Variants in SYCE1 observed in about 807,000 individuals in gnomAD.
SYCE1 encodes cancer/testis antigen 76.
Under a neutral mutation model 55.1 loss-of-function variants are expected in SYCE1, and 37 were observed. The observed-to-expected ratio is 0.67, with a 90% CI of 0.52 to 0.88. The LOEUF (loss-of-function observed/expected upper bound fraction) is 0.88. SYCE1 is among the 40% of genes least tolerant of loss of function. SYCE1 has a pLI of 0.00. For synonymous variants in SYCE1, 163 were observed against 159.4 expected (o/e 1.02, Z -0.17); for missense variants, 399 against 416.4 (o/e 0.96, Z 0.36).
rs9629932 is a variant in SYCE1 at position 133,556,604 on chromosome 10, G to A, written c.528+155C>T. On this transcript the variant is annotated intron_variant, in intron 8 of 12. Coordinates refer to ENST00000343131, the MANE Select transcript of SYCE1 (RefSeq NM_001143764.3). ...CCACTGAGCAGCAGGGTCACAAGGA[G>A]GTGACAAGGGACTGGATTCAGGCAA... 3,183 of 743,768 alleles carry A rather than the reference G, an allele frequency of 4.3e-3. No homozygotes were observed. In the African/African-American group the frequency reaches 0.048, roughly 11 times the overall value. The allele number at this position is 743,768 out of a possible 1,614,324, so 46.1% of individuals were successfully genotyped here.
rs1851900814 is a variant in SYCE1, at chr10:133,565,313, C to T, written c.73+144G>A. 3.6e-5 allele frequency: 26 copies of T among 717,724 alleles called. No homozygotes were observed. In the East Asian group the frequency reaches 7.6e-4, roughly 21 times the overall value. The allele number at this position is 717,724 out of a possible 1,614,324, so 44.5% of individuals were successfully genotyped here. A position where few individuals can be genotyped will look rare whatever the true frequency, so the allele number is the denominator to read the frequency against. On this transcript the variant is annotated intron_variant, in intron 1 of 12. Transcript: ENST00000343131. ...CGGGCAAGCACTCCCTCATCTTGGC[C>T]GAAATTTTTCTGAAGAAACCCGCTA... is the stretch of plus-strand genomic sequence containing the variant.
At chr10:133,566,944 C>G (rs1007473410), upstream of SYCE1, among the ~76,000 whole-genome samples, 1 of 146,160 alleles carries the variant, frequency 6.8e-6, no homozygotes, top group African/African-American at 2.5e-5. Context: ...CTTCAGGGTT[C>G]GGTGTCAGGG....
chr10:133,566,673 G>T (rs1159410909), upstream of SYCE1, among the ~76,000 whole-genome samples: 2 of 151,224 alleles, frequency 1.3e-5, no homozygotes, highest in African/African-American at 2.4e-5. Context: ...TAGGGTTTGG[G>T]ATTTGGCTAA....
chr10:133,566,538 G>C (rs1851938352), upstream of SYCE1, among the ~76,000 whole-genome samples: 1 of 144,982 alleles, frequency 6.9e-6, no homozygotes, highest in African/African-American at 2.6e-5. Context: ...TTGGGGTAGG[G>C]TTAGGGTTGG....
Position 133,557,081 on chromosome 10 carries a change from T to C in SYCE1, c.450A>G (p.Lys150=). The C allele has an allele frequency of 1.2e-6, 2 of 1,613,984 alleles. No individual in the cohort carries two copies. The highest frequency in any genetic ancestry group is 1.7e-6 in the Non-Finnish European group (2 of 1,179,870). ...CTAAGGTTTACCTCAGCTGTCTCTG[T>C]TTGTTCTTCTCTTCTTCAATCTGCA... is the stretch of plus-strand genomic sequence containing the variant. ...LNLQIEEEKN[K]QRQLRLAFEE... Residue 150 remains lysine (K), a synonymous_variant, in exon 7 of 13, where the codon AAA becomes AAG. Coordinates refer to ENST00000343131, the MANE Select transcript of SYCE1 (RefSeq NM_001143764.3).
downstream of SYCE1, chr10:133,554,594 T>A: frequency 1.5e-6 from 1 of 687,268 alleles, no homozygotes; most frequent in Non-Finnish European, 2.6e-6. Flanking sequence ...GGGACTACCA[T>A]ATGGAACCGA....
In SYCE1 at chr10:133,556,784, TG is replaced by T; in HGVS notation, c.502del (p.Gln168SerfsTer42). 1 of 1,573,032 alleles carries T rather than the reference TG, an allele frequency of 6.4e-7. No homozygotes were observed. Reference protein sequence around the residue: ...FEEQLEDLMGQHKDLWDFHMP... With the variant: ...FEEQLEDLMGXHKDLWDFHMP... Reference sequence around the variant, plus strand: ...GTGGAAGTCCCAGAGGTCCTTGTGCTGGCCCATCAGATCTTCCAGCTGTTCC... The same window carrying T: ...GTGGAAGTCCCAGAGGTCCTTGTGCTGCCCATCAGATCTTCCAGCTGTTCC... On this transcript the variant is annotated frameshift_variant, in exon 8 of 13. Coordinates refer to ENST00000343131, the MANE Select transcript of SYCE1 (RefSeq NM_001143764.3). LOFTEE classifies it high-confidence loss of function.
At chr10:133,565,948 A>C (rs138969697), upstream of SYCE1, among the ~76,000 whole-genome samples, 985 of 152,290 alleles carry the variant, frequency 6.5e-3, 11 homozygotes, top group African/African-American at 0.022. Flanking sequence ...TGGCAGCCTC[A>C]TGAGGTTGCG....
At chr10:133,568,048 C>T (rs1321913230), upstream of SYCE1, 9 of 623,024 alleles carry the variant, frequency 1.4e-5, no homozygotes, top group African/African-American at 5.4e-5. Flanking sequence ...TCCTGGGGGA[C>T]GGTGCGGCCC....
In SYCE1 at chr10:133,555,829, T is replaced by C; in HGVS notation, c.670A>G (p.Thr224Ala). The C allele has an allele frequency of 3.1e-6, 5 of 1,613,768 alleles. No homozygotes were observed. Among genetic ancestry groups the C allele is most frequent in the Non-Finnish European group, 3.4e-6 (4 of 1,179,970 alleles). ...CGGAGAAAGAGTCCCTCATCAAGGG[T>C]GGAGGGGCCCTCAGCCCCACACAGG... ...CSLCGAEGPS[T>A]LDEGLFLRSQ... Residue 224 changes from threonine (T) to alanine (A), a missense_variant, in exon 10 of 13, where the codon ACC (threonine) becomes GCC (alanine). Thr to Ala is a moderately conservative substitution (Grantham distance 58). Coordinates refer to ENST00000343131, the MANE Select transcript of SYCE1 (RefSeq NM_001143764.3).
chr10:133,568,079 G>A (rs775927381), upstream of SYCE1: 17 of 682,714 alleles, frequency 2.5e-5, no homozygotes, highest in Non-Finnish European at 3.9e-5. Flanking sequence ...TGTGGTCACC[G>A]AGCCCAGCCA....
intron 7 of SYCE1, 104 bp downstream of exon 7, chr10:133,556,963 G>C: frequency 6.8e-7 from 1 of 1,478,986 alleles, no homozygotes; most frequent in South Asian, 1.1e-5. Flanking sequence ...TCACCACCTT[G>C]AATCTCCATG....
rs575617775 is a variant in SYCE1, at chr10:133,558,210, A to G, written c.276T>C (p.His92=). The G allele has an allele frequency of 1.2e-6, 2 of 1,614,206 alleles. No homozygotes were observed. Among genetic ancestry groups the G allele is most frequent in the African/African-American group, 2.7e-5 (2 of 75,056 alleles). The part of the protein sequence containing the change: ...EALQKELDSL[H]GEKVHLKEIL... ...TCTCCTTCAGGTGTACTTTCTCTCC[A>G]TGCACTAGAAAACAGTGACACATTT... Residue 92 remains histidine (H), a synonymous_variant, in exon 5 of 13, where the codon CAT becomes CAC. Transcript: ENST00000343131.
intron 6 of SYCE1, chr10:133,557,462 T>C: frequency 2.0e-6 from 1 of 497,180 alleles, no homozygotes; most frequent in Non-Finnish European, 3.6e-6. Context: ...ACAAATGAGC[T>C]AAATCAGGAG....
chr10:133,566,945 G>A (rs191884048), upstream of SYCE1, among the ~76,000 whole-genome samples: 33 of 150,752 alleles, frequency 2.2e-4, no homozygotes, highest in Middle Eastern at 3.5e-3. Context: ...TTCAGGGTTC[G>A]GTGTCAGGGT....
chr10:133,556,294 G>C lies in SYCE1; in HGVS notation c.529-247C>G, dbSNP rs1359381849. 16 of 584,824 alleles carry C rather than the reference G, an allele frequency of 2.7e-5. No homozygotes were observed. The South Asian group carries it at 2.8e-4, about 10-fold the overall frequency. 36.2% of individuals were successfully genotyped at this position (584,824 alleles called of 1,614,324 possible). ...TGCTCATGGATTGTTATTTACAACA[G>C]ATAAACCTGCAAGCACTGTGAGTCT... On this transcript the variant is annotated intron_variant, in intron 8 of 12. Transcript: ENST00000343131.
chr10:133,556,697 G>A (rs2133616398), intron 8 of SYCE1, 62 bp downstream of exon 8: 11 of 1,520,562 alleles, frequency 7.2e-6, no homozygotes, highest in Middle Eastern at 1.7e-4. Flanking sequence ...AGAAGTGACC[G>A]TTTGGGCCTG....
At chr10:133,566,881 GAGTTACAGTTGGGTTAAGGGTTGCA>G, upstream of SYCE1, among the ~76,000 whole-genome samples, 1 of 29,094 alleles carries the variant, frequency 3.4e-5, no homozygotes, top group South Asian at 2.6e-3. Flanking sequence ...TTAGCATTAG[GAGTTACAGTTGGGTTAAGGGTTGCA>G]GGTTAGGCTT....
In SYCE1 at chr10:133,560,014, T is replaced by C. The variant is rs969853289; in HGVS notation, c.136+77A>G. On this transcript the variant is annotated intron_variant, in intron 2 of 12. Transcript: ENST00000343131. ...AGGATTATTTCCCAAATTCGTACAT[T>C]GTGGGGCCTGAAATTAAACCCACAT... 7 of 1,241,592 alleles carry C rather than the reference T, an allele frequency of 5.6e-6. No individual in the cohort carries two copies. The Admixed American group carries it at 1.2e-4, about 22-fold the overall frequency. 76.9% of individuals were successfully genotyped at this position (1,241,592 alleles called of 1,614,324 possible).
Sources: allele counts gnomAD v4.1 joint callset (sites outside exome capture counted in the v4.1 genomes callset), GRCh38; gene constraint gnomAD v4.1.1; transcripts MANE v1.5; gene names NCBI Gene and HGNC (gene_info 2026-07-23, HGNC 2026-07-21).